ZCCHC14: variants seen among roughly 807,000 people sequenced by gnomAD.
ZCCHC14 encodes zinc finger CCHC domain-containing protein 14.
ZCCHC14 carries 16 observed loss-of-function variants against 85.0 expected under a neutral mutation model. The ratio of observed to expected loss-of-function variants is 0.19; its 90% CI spans 0.13 to 0.29. The LOEUF is 0.29. Among genes scored for constraint, ZCCHC14 ranks in the 10% least tolerant of loss-of-function variants. The probability of loss-of-function intolerance (pLI) is 1.00; values close to 1 mark genes in which losing one functional copy is unlikely to be tolerated. For synonymous variants in ZCCHC14, 775 were observed against 630.7 expected, an observed-to-expected ratio of 1.23 and a Z score of -3.43; for missense variants, 1,303 against 1,443.5, an observed-to-expected ratio of 0.90 and a Z score of 1.58.
intron 1 of ZCCHC14, among the ~76,000 whole-genome samples, chr16:87,460,582 C>T (rs1158786817): frequency 2.6e-5 from 4 of 151,948 alleles, no homozygotes; most frequent in Non-Finnish European, 5.9e-5. Flanking sequence ...CCCAGCTACT[C>T]GGGAGGCTGA....
At chr16:87,421,170 T>C (rs750131863) in intron 4 of ZCCHC14, among the ~76,000 whole-genome samples, 11 of 152,164 alleles carry the variant, frequency 7.2e-5, no homozygotes, top group Non-Finnish European at 1.5e-4. Flanking sequence ...TCTTTCCAAG[T>C]TCCTTTCCGC....
rs552088199 is a variant in ZCCHC14 at position 87,443,096 on chromosome 16, G to A, written c.695-9895C>T. Among the ~76,000 whole-genome samples the A allele has an allele frequency of 6.6e-5, 10 of 152,334 alleles. No individual in the cohort carries two copies. In the South Asian group the frequency reaches 1.4e-3, roughly 22 times the overall value. ...GGGTAATATAAAAGCAGTCTATTCC[G>A]CTTTTGAGTTGTTCAAAATAGGTTT... On this transcript the variant is annotated intron_variant, in intron 2 of 12. Transcript: ENST00000671377.
chr16:87,422,527 G>A (rs112784664), intron 4 of ZCCHC14, among the ~76,000 whole-genome samples: 1 of 151,248 alleles, frequency 6.6e-6, no homozygotes, highest in Non-Finnish European at 1.5e-5. Flanking sequence ...GAGTTCAAGA[G>A]CAGCCTGGCC....
intron 2 of ZCCHC14, among the ~76,000 whole-genome samples, chr16:87,439,000 A>G (rs1291390640): frequency 1.3e-5 from 2 of 152,168 alleles, no homozygotes; most frequent in African/African-American, 4.8e-5. Flanking sequence ...TAAATTTACC[A>G]CTATATTGCT....
chr16:87,436,004 T>C (rs930877628), intron 2 of ZCCHC14, among the ~76,000 whole-genome samples: 1 of 152,222 alleles, frequency 6.6e-6, no homozygotes, highest in Non-Finnish European at 1.5e-5. Context: ...AATCCATGTA[T>C]TTTACTTTTT....
At chr16:87,418,056 T>G (rs1396224125) in intron 7 of ZCCHC14, 4 of 381,460 alleles carry the variant, frequency 1.0e-5, no homozygotes, top group Non-Finnish European at 1.9e-5. Flanking sequence ...ATGTGTATTA[T>G]GTATGTGTAC....
At chr16:87,431,443 A>C (rs1909654478) in intron 3 of ZCCHC14, among the ~76,000 whole-genome samples, 1 of 148,008 alleles carries the variant, frequency 6.8e-6, no homozygotes, top group Non-Finnish European at 1.5e-5. Flanking sequence ...ACTGCACTCC[A>C]GCCTGGGCGA....
chr16:87,412,082 A>G lies in ZCCHC14; in HGVS notation c.2639T>C (p.Phe880Ser), dbSNP rs1908484483. The change falls in exon 12 of 13, where the codon TTC becomes TCC. Residue 880 changes from phenylalanine (F) to serine (S), a missense_variant. By Grantham distance (155) the Phe-to-Ser change is radical. Coordinates refer to ENST00000671377, the MANE Select transcript of ZCCHC14 (RefSeq NM_015144.3). ...PALSSVPESS[F>S]YSSSGGGGST... ...GCCGCCACCGCCACTGCTGCTATAG[A>G]AACTGCTTTCAGGGACGGAGGACAG... The G allele has an allele frequency of 1.2e-6, 2 of 1,612,582 alleles. No homozygotes were observed. Among genetic ancestry groups the G allele is most frequent in the South Asian group, 1.1e-5 (1 of 91,082 alleles).
At chr16:87,422,557 T>C (rs1411609239) in intron 4 of ZCCHC14, among the ~76,000 whole-genome samples, 2 of 145,306 alleles carry the variant, frequency 1.4e-5, no homozygotes, top group East Asian at 3.9e-4. Flanking sequence ...AAACTGTCTC[T>C]ACTAAAAATT....
At chr16:87,465,752 G>A (rs1911490495) in intron 1 of ZCCHC14, among the ~76,000 whole-genome samples, 1 of 152,194 alleles carries the variant, frequency 6.6e-6, no homozygotes, top group African/African-American at 2.4e-5. Flanking sequence ...ACATGATAAT[G>A]CTGCTGCATG....
At chr16:87,472,349 A>T (rs1220065766) in intron 1 of ZCCHC14, 1 of 152,278 alleles carries the variant, frequency 6.6e-6, no homozygotes, top group Non-Finnish European at 1.5e-5. Flanking sequence ...TCCACCAAGC[A>T]TGGCTCTCAG....
intron 1 of ZCCHC14, among the ~76,000 whole-genome samples, chr16:87,476,544 C>T (rs1912012233): frequency 6.6e-6 from 1 of 151,960 alleles, no homozygotes; most frequent in Non-Finnish European, 1.5e-5. Flanking sequence ...GTATTAACTC[C>T]AAGCAGACTG....
At chr16:87,417,800 C>T in intron 7 of ZCCHC14, 58 bp from the exon 8 acceptor site, 1 of 1,485,630 alleles carries the variant, frequency 6.7e-7, no homozygotes, top group East Asian at 2.3e-5. Flanking sequence ...ACCACAGACT[C>T]CACCACAGAC....
rs1360462659 is a variant in ZCCHC14 at position 87,408,691 on chromosome 16, AAC to A, written c.*1587_*1588del. 3.3e-5 allele frequency: 5 copies of A among 152,486 alleles called. No homozygotes were observed. The highest frequency in any genetic ancestry group is 1.3e-4 in the Admixed American group (2 of 15,282). The allele number at this position is 152,486 out of a possible 1,614,324, so 9.4% of individuals were successfully genotyped here. On this transcript the variant is annotated 3_prime_UTR_variant, in exon 13 of 13. Transcript: ENST00000671377. ...TAAAAGCCTGTCATAAAAAAAATGT[AAC>A]AACTTTCTGCTTTAGTTTCTATGAA...
At chr16:87,461,142 C>G (rs918950999) in intron 1 of ZCCHC14, among the ~76,000 whole-genome samples, 2 of 152,184 alleles carry the variant, frequency 1.3e-5, no homozygotes, top group Non-Finnish European at 2.9e-5. Context: ...CCCTCCTGAC[C>G]ACCAGTGCTC....
intron 2 of ZCCHC14, among the ~76,000 whole-genome samples, chr16:87,437,686 C>T (rs77452506): frequency 0.07 from 10,716 of 152,252 alleles, 1,252 homozygotes; most frequent in African/African-American, 0.24. Context: ...TTTGTCTGTT[C>T]AAACCTTTCT....
rs1016953990 is a variant in ZCCHC14 at position 87,430,114 on chromosome 16, T to C, written c.768+3014A>G. Among the ~76,000 whole-genome samples, 10 of 152,234 alleles carry C rather than the reference T, an allele frequency of 6.6e-5. No homozygotes were observed. In the East Asian group the frequency reaches 1.9e-3, roughly 29 times the overall value. On this transcript the variant is annotated intron_variant, in intron 3 of 12. Transcript: ENST00000671377. ...TTTTATGGATGTTTTCAGCACCGTA[T>C]CTCAGAAATCTTCACCTAGTTTAAA...
At chr16:87,459,449 A>C (rs1015505426) in intron 2 of ZCCHC14, among the ~76,000 whole-genome samples, 2 of 151,338 alleles carry the variant, frequency 1.3e-5, no homozygotes, top group Non-Finnish European at 2.9e-5. Context: ...GGTTCAAGCA[A>C]TTCTCCTGCC....
chr16:87,427,157 G>A (rs943803069), intron 3 of ZCCHC14, among the ~76,000 whole-genome samples: 10 of 152,240 alleles, frequency 6.6e-5, no homozygotes, highest in African/African-American at 2.4e-4. Flanking sequence ...AAGACACCCA[G>A]AATCTCCACT....
Sources: gnomAD v4.1 joint callset for allele counts (sites outside exome capture counted in the v4.1 genomes callset) on GRCh38, gnomAD v4.1.1 for gene constraint, MANE v1.5 for transcripts, NCBI Gene and HGNC (gene_info 2026-07-23, HGNC 2026-07-21) for gene names.